The following AGBL4 variants were observed in gnomAD, a reference collection of about 807,000 sequenced individuals.
The protein encoded by AGBL4 is AGBL carboxypeptidase 4.
A neutral mutation model predicts 66.4 loss-of-function variants in AGBL4; 58 were observed. The observed-to-expected ratio is 0.87, with a 90% confidence interval of 0.71 to 1.09. AGBL4 has a LOEUF of 1.09. Among genes scored for constraint, AGBL4 ranks in the 50% least tolerant of loss-of-function variants. AGBL4 has a pLI of 0.00. For missense variants in AGBL4, 579 were observed against 631.0 expected (o/e 0.92, Z 0.88); for synonymous variants, 234 against 222.9 (o/e 1.05, Z -0.44).
intron 3 of AGBL4, among the ~76,000 whole-genome samples, chr1:49,400,954 T>C (rs750276699): frequency 1.2e-4 from 18 of 152,188 alleles, no homozygotes; most frequent in Non-Finnish European, 2.2e-4. Context: ...GTCTGTCATA[T>C]ATGGGTTTTA....
chr1:48,835,556 A>G (rs1646652506), intron 6 of AGBL4, among the ~76,000 whole-genome samples: 1 of 152,180 alleles, frequency 6.6e-6, no homozygotes. Context: ...TTGAGTTGAG[A>G]TACAAATGAT....
At chr1:49,818,940 G>A (rs1014830472) in intron 2 of AGBL4, among the ~76,000 whole-genome samples, 1 of 152,170 alleles carries the variant, frequency 6.6e-6, no homozygotes, top group African/African-American at 2.4e-5. Flanking sequence ...ACAGTGGAAA[G>A]AGTCCAGGCC....
chr1:49,012,892 T>C (rs916381095), intron 5 of AGBL4, among the ~76,000 whole-genome samples: 1 of 152,230 alleles, frequency 6.6e-6, no homozygotes, highest in African/African-American at 2.4e-5. Flanking sequence ...GCATGAGCCC[T>C]CATTATGTGT....
chr1:49,100,893 C>T (rs1377442824), intron 4 of AGBL4, among the ~76,000 whole-genome samples: 4 of 152,130 alleles, frequency 2.6e-5, no homozygotes, highest in Admixed American at 2.6e-4. Context: ...CTATATTTCA[C>T]CATGCTGCAG....
chr1:49,382,929 C>T (rs1178078019), intron 3 of AGBL4, among the ~76,000 whole-genome samples: 1 of 152,150 alleles, frequency 6.6e-6, no homozygotes, highest in African/African-American at 2.4e-5. Flanking sequence ...CACCTTAGCC[C>T]ATGAGTTCAA....
chr1:49,834,502 T>A (rs1173547647), intron 2 of AGBL4, among the ~76,000 whole-genome samples: 1 of 152,196 alleles, frequency 6.6e-6, no homozygotes, highest in Non-Finnish European at 1.5e-5. Context: ...GCTAGATGTC[T>A]ACCTATTCTG....
chr1:49,690,335 GTTAAAAGGTTCACAGTCATT>G (rs1646863898), intron 3 of AGBL4, among the ~76,000 whole-genome samples: 1 of 152,048 alleles, frequency 6.6e-6, no homozygotes, highest in African/African-American at 2.4e-5. Context: ...ATGCCTGTAT[GTTAAAAGGTTCACAGTCATT>G]CCTTTTAGGT....
At chr1:48,756,189 T>C (rs1305882906) in intron 6 of AGBL4, among the ~76,000 whole-genome samples, 2 of 152,212 alleles carry the variant, frequency 1.3e-5, no homozygotes, top group Admixed American at 1.3e-4. Context: ...TTTGCCTAAA[T>C]TGCTCCTTAC....
At chr1:48,708,784 C>G (rs1338510454) in intron 6 of AGBL4, among the ~76,000 whole-genome samples, 1 of 152,184 alleles carries the variant, frequency 6.6e-6, no homozygotes, top group Non-Finnish European at 1.5e-5. Context: ...GAAAATAAGT[C>G]TCTCTGGTGC....
intron 4 of AGBL4, among the ~76,000 whole-genome samples, chr1:49,187,748 C>A (rs1348103315): frequency 6.6e-6 from 1 of 152,126 alleles, no homozygotes; most frequent in East Asian, 1.9e-4. Flanking sequence ...ACTGCATTCT[C>A]CTAAATACAT....
chr1:49,746,278 T>G (rs1260257074), intron 2 of AGBL4, among the ~76,000 whole-genome samples: 1 of 152,026 alleles, frequency 6.6e-6, no homozygotes, highest in African/African-American at 2.4e-5. Flanking sequence ...CTGAATTCAT[T>G]ACAGATAAAG....
chr1:49,752,960 G>C (rs1651593378), intron 2 of AGBL4, among the ~76,000 whole-genome samples: 1 of 152,158 alleles, frequency 6.6e-6, no homozygotes, highest in Non-Finnish European at 1.5e-5. Flanking sequence ...GCCTATGTGT[G>C]TCTTTGCACA....
At chr1:49,986,568 A>G (rs1013804032) in intron 1 of AGBL4, among the ~76,000 whole-genome samples, 2 of 152,068 alleles carry the variant, frequency 1.3e-5, no homozygotes, top group Admixed American at 1.3e-4. Context: ...CCCAACTTAA[A>G]TAGATCCTAC....
At chr1:49,414,074 A>G (rs1198111177) in intron 3 of AGBL4, among the ~76,000 whole-genome samples, 1 of 152,224 alleles carries the variant, frequency 6.6e-6, no homozygotes, top group Non-Finnish European at 1.5e-5. Context: ...AGGTAGAATA[A>G]TGAGAAAAGG....
chr1:49,209,456 C>T (rs1648495563), intron 4 of AGBL4, among the ~76,000 whole-genome samples: 1 of 152,042 alleles, frequency 6.6e-6, no homozygotes, highest in East Asian at 1.9e-4. Context: ...TCTTCCTCTC[C>T]CTCATTTTTG....
intron 4 of AGBL4, among the ~76,000 whole-genome samples, chr1:49,152,629 G>A (rs1646359014): frequency 6.6e-6 from 1 of 152,200 alleles, no homozygotes; most frequent in South Asian, 2.1e-4. Context: ...CAGATGGGGT[G>A]AAAATGTTCA....
intron 11 of AGBL4, among the ~76,000 whole-genome samples, chr1:48,553,581 G>A (rs1028121361): frequency 1.4e-4 from 21 of 152,014 alleles, no homozygotes; most frequent in Admixed American, 5.2e-4. Context: ...TTTCAGCTCC[G>A]ATGTTCTGTG....
In AGBL4 at chr1:49,653,751, T is replaced by C. The variant is rs191167533; in HGVS notation, c.282+43562A>G. ...GCTTGAAGACTGTCTTGCTGAATTA[T>C]GGAAGGTAGATGAGATTAGAGAAAA... On this transcript the variant is annotated intron_variant, in intron 3 of 13. Transcript: ENST00000371839. Among the ~76,000 whole-genome samples, 6 of 151,130 alleles carry C rather than the reference T, an allele frequency of 4.0e-5. No homozygotes were observed. In the East Asian group the frequency reaches 1.2e-3, roughly 30 times the overall value.
At chr1:49,513,985 C>T (rs958216538) in intron 3 of AGBL4, among the ~76,000 whole-genome samples, 4 of 151,816 alleles carry the variant, frequency 2.6e-5, no homozygotes, top group Admixed American at 6.6e-5. Flanking sequence ...GAAGCAATTG[C>T]GAATGGGAGT....
Sources: allele counts gnomAD v4.1 joint callset (sites outside exome capture counted in the v4.1 genomes callset), GRCh38; gene constraint gnomAD v4.1.1; transcripts MANE v1.5; gene names NCBI Gene and HGNC (gene_info 2026-07-23, HGNC 2026-07-21).